Variants in COMMD10 observed in about 807,000 individuals in gnomAD.
COMMD10 encodes the protein COMM domain containing 10.
COMMD10 carries 33 observed loss-of-function variants against 28.9 expected under a neutral mutation model. That is an observed-to-expected ratio of 1.14 (90% CI 0.87 to 1.53). The LOEUF (loss-of-function observed/expected upper bound fraction) is 1.53. Ranked by LOEUF, COMMD10 falls within the 40% of genes most tolerant of loss-of-function variation. COMMD10 has a pLI of 0.00. For missense variants in COMMD10, 310 were observed against 233.4 expected (o/e 1.33, Z -2.14); for synonymous variants, 110 against 81.7 (o/e 1.35, Z -1.87).
intron 5 of COMMD10, among the ~76,000 whole-genome samples, chr5:116,269,035 G>T (rs372527611): frequency 6.6e-6 from 1 of 151,378 alleles, no homozygotes; most frequent in Admixed American, 6.6e-5. Context: ...AACATGGCAC[G>T]TGTATACATA....
At chr5:116,207,334 C>T (rs894745362) in intron 5 of COMMD10, among the ~76,000 whole-genome samples, 1 of 152,106 alleles carries the variant, frequency 6.6e-6, no homozygotes, top group Non-Finnish European at 1.5e-5. Flanking sequence ...AAATTGTGAA[C>T]CACTGAAATG....
At chr5:116,086,698 G>A (rs931335273) in intron 1 of COMMD10, among the ~76,000 whole-genome samples, 1 of 152,210 alleles carries the variant, frequency 6.6e-6, no homozygotes, top group African/African-American at 2.4e-5. Flanking sequence ...GGCTTCGGGT[G>A]ATCTGTCCTC....
intron 5 of COMMD10, among the ~76,000 whole-genome samples, chr5:116,237,646 G>GA (rs1382582140): frequency 2.6e-5 from 4 of 151,612 alleles, no homozygotes; most frequent in South Asian, 2.1e-4. Context: ...CCTGCTTCTA[G>GA]AAAAAAAAGA....
chr5:116,244,536 A>G (rs1425487052), intron 5 of COMMD10, among the ~76,000 whole-genome samples: 1 of 151,896 alleles, frequency 6.6e-6, no homozygotes, highest in African/African-American at 2.4e-5. Context: ...ATGGGGGTAC[A>G]GTAGAGAAAT....
intron 5 of COMMD10, among the ~76,000 whole-genome samples, chr5:116,177,225 G>T (rs1445717646): frequency 1.3e-5 from 2 of 152,108 alleles, no homozygotes; most frequent in Non-Finnish European, 2.9e-5. Context: ...GGGGTTGATT[G>T]TATTGGGTGG....
At position 116,292,680 on chromosome 5, in the gene COMMD10, T is replaced by A; in HGVS notation, c.*191T>A. The A allele has an allele frequency of 2.4e-6, 1 of 425,104 alleles. No individual in the cohort carries two copies. The highest frequency in any genetic ancestry group is 4.2e-6 in the Non-Finnish European group (1 of 240,082). The allele number at this position is 425,104 out of a possible 1,614,324, so 26.3% of individuals were successfully genotyped here. On this transcript the variant is annotated 3_prime_UTR_variant, in exon 7 of 7. Coordinates refer to ENST00000274458, the MANE Select transcript of COMMD10 (RefSeq NM_016144.4). ...AGAATACTGAGGTTCTAATATACTT[T>A]CTTTAGTTCTGTGAGCCAACAGTAA...
At chr5:116,159,450 ACATACATTG>A (rs1474481335) in intron 5 of COMMD10, among the ~76,000 whole-genome samples, 2 of 152,184 alleles carry the variant, frequency 1.3e-5, no homozygotes, top group Non-Finnish European at 1.5e-5. Context: ...CCTTTCCTGA[ACATACATTG>A]CAAATACTTG....
intron 4 of COMMD10, among the ~76,000 whole-genome samples, chr5:116,118,992 A>G (rs1171367912): frequency 6.6e-6 from 1 of 152,234 alleles, no homozygotes; most frequent in Non-Finnish European, 1.5e-5. Context: ...CATTTGTTAA[A>G]TAGAGTTGAT....
At chr5:116,255,136 T>C (rs1006941518) in intron 5 of COMMD10, among the ~76,000 whole-genome samples, 12 of 151,730 alleles carry the variant, frequency 7.9e-5, no homozygotes, top group African/African-American at 2.4e-4. Flanking sequence ...CCTTTTTTTG[T>C]TTTCCATTTG....
chr5:116,176,578 T>C (rs1753520884), intron 5 of COMMD10, among the ~76,000 whole-genome samples: 1 of 152,180 alleles, frequency 6.6e-6, no homozygotes, highest in East Asian at 1.9e-4. Flanking sequence ...TTTTCCTATA[T>C]GTTTTACTTT....
intron 5 of COMMD10, among the ~76,000 whole-genome samples, chr5:116,181,240 T>C (rs1285143181): frequency 1.3e-5 from 2 of 152,026 alleles, no homozygotes; most frequent in East Asian, 3.9e-4. Context: ...TTGGATTACA[T>C]TGAGATCTCT....
At chr5:116,165,504 G>C (rs189177851) in intron 5 of COMMD10, among the ~76,000 whole-genome samples, 9 of 152,156 alleles carry the variant, frequency 5.9e-5, no homozygotes, top group African/African-American at 2.2e-4. Flanking sequence ...TTAAAATCAA[G>C]GTCTTGGCAA....
chr5:116,224,952 G>A (rs1365322109), intron 5 of COMMD10, among the ~76,000 whole-genome samples: 2 of 152,112 alleles, frequency 1.3e-5, no homozygotes, highest in Non-Finnish European at 2.9e-5. Flanking sequence ...TTAAATAAAA[G>A]ATGGATAAGA....
intron 5 of COMMD10, among the ~76,000 whole-genome samples, chr5:116,191,992 T>C (rs992248629): frequency 2.7e-5 from 4 of 150,582 alleles, no homozygotes; most frequent in African/African-American, 9.8e-5. Flanking sequence ...GGATGTGATA[T>C]TGTGCAGACA....
At chr5:116,111,981 T>A (rs981848055) in intron 4 of COMMD10, among the ~76,000 whole-genome samples, 2 of 152,204 alleles carry the variant, frequency 1.3e-5, no homozygotes, top group Non-Finnish European at 1.5e-5. Flanking sequence ...AATTGTTATG[T>A]CCTCTTGTAG....
intron 5 of COMMD10, chr5:116,218,253 C>T (rs1749156240): frequency 1.3e-6 from 1 of 742,804 alleles, no homozygotes; most frequent in Non-Finnish European, 2.5e-6. Flanking sequence ...TTTACCTTGG[C>T]TTTATCTCCT....
chr5:116,234,657 G>C lies in COMMD10; in HGVS notation c.511-56860G>C, dbSNP rs183562183. Among the ~76,000 whole-genome samples, 261 of 152,282 alleles carry C rather than the reference G, an allele frequency of 1.7e-3. 3 individuals carry two copies. Among genetic ancestry groups the C allele is most frequent in the African/African-American group, 5.9e-3 (244 of 41,548 alleles). On this transcript the variant is annotated intron_variant, in intron 5 of 6. Transcript: ENST00000274458. ...ATGATGCATTTAAATAAGGTGATTTGGCTGCAACTGCATTCATCTGTAAAT... is the reference window on the plus strand; with the variant it reads ...ATGATGCATTTAAATAAGGTGATTTCGCTGCAACTGCATTCATCTGTAAAT...
chr5:116,165,485 G>T (rs1190231797), intron 5 of COMMD10, among the ~76,000 whole-genome samples: 1 of 152,128 alleles, frequency 6.6e-6, no homozygotes, highest in African/African-American at 2.4e-5. Context: ...CACAGTTCTG[G>T]AAGAAAGTTT....
intron 5 of COMMD10, among the ~76,000 whole-genome samples, chr5:116,220,427 A>AT (rs78955193): frequency 0.027 from 3,962 of 149,470 alleles, 99 homozygotes; most frequent in East Asian, 0.092. Context: ...CTTTCATTCC[A>AT]TTTTTTTTTT....
Sources: gnomAD v4.1 joint callset for allele counts (sites outside exome capture counted in the v4.1 genomes callset) on GRCh38, gnomAD v4.1.1 for gene constraint, MANE v1.5 for transcripts, NCBI Gene and HGNC (gene_info 2026-07-23, HGNC 2026-07-21) for gene names.